Variants in GALNT13 observed in about 807,000 individuals in gnomAD.
The protein encoded by GALNT13 is UDP-GalNAc:polypeptide N-acetylgalactosaminyltransferase 13.
Under a neutral mutation model 64.2 loss-of-function variants are expected in GALNT13, and 28 were observed. The observed-to-expected ratio is 0.44, with a 90% CI of 0.32 to 0.60. The LOEUF is 0.60. GALNT13 is among the 20% of genes least tolerant of loss of function. GALNT13 has a pLI of 0.05. For synonymous variants in GALNT13, 214 were observed against 224.6 expected (o/e 0.95, Z 0.42); for missense variants, 577 against 669.8 (o/e 0.86, Z 1.53).
chr2:154,268,101 A>C (rs1691121480), intron 8 of GALNT13, among the ~76,000 whole-genome samples: 1 of 152,218 alleles, frequency 6.6e-6, no homozygotes. Context: ...ACTCAGTGGA[A>C]AGGAAAATGT....
chr2:153,127,076 C>T, the GALNT13 span, among the ~76,000 whole-genome samples: 6 of 152,190 alleles, frequency 3.9e-5, no homozygotes, highest in South Asian at 8.3e-4. Flanking sequence ...GAAGAAAATA[C>T]AAGCTACAAA....
At chr2:153,359,285 T>A in the GALNT13 span, among the ~76,000 whole-genome samples, 1 of 152,234 alleles carries the variant, frequency 6.6e-6, no homozygotes, top group Non-Finnish European at 1.5e-5. Flanking sequence ...AGCGTTATTT[T>A]ATTTTACCAA....
the GALNT13 span, among the ~76,000 whole-genome samples, chr2:153,401,200 G>C: frequency 2.1e-4 from 32 of 152,204 alleles, no homozygotes; most frequent in African/African-American, 7.7e-4. Context: ...AGTCATTCAG[G>C]AGCAGGTTGT....
chr2:154,214,832 C>A lies in GALNT13; in HGVS notation c.312-27198C>A, dbSNP rs1471669203. On this transcript the variant is annotated intron_variant, in intron 4 of 12. Coordinates refer to ENST00000392825, the MANE Select transcript of GALNT13 (RefSeq NM_052917.4). ...ATAGCAGTGTGAGAACAGACTAATA[C>A]ACCTATTATCAGTGTGTGTAATTGG... Among the ~76,000 whole-genome samples, 6 of 152,136 alleles carry A rather than the reference C, an allele frequency of 3.9e-5. No homozygotes were observed. In the East Asian group the frequency reaches 1.2e-3, roughly 29 times the overall value.
At chr2:154,096,747 G>C (rs1049576540) in intron 3 of GALNT13, among the ~76,000 whole-genome samples, 12 of 151,982 alleles carry the variant, frequency 7.9e-5, no homozygotes, top group Non-Finnish European at 1.5e-4. Context: ...TGACTATGAA[G>C]AGCACCAATA....
the GALNT13 span, among the ~76,000 whole-genome samples, chr2:153,514,839 T>C: frequency 6.6e-6 from 1 of 152,312 alleles, no homozygotes. Context: ...CTGAGAATGC[T>C]GCTTTAGTGG....
At chr2:153,971,174 T>C (rs1341086443) in intron 3 of GALNT13, among the ~76,000 whole-genome samples, 1 of 152,178 alleles carries the variant, frequency 6.6e-6, no homozygotes, top group Non-Finnish European at 1.5e-5. Flanking sequence ...GTCTTAATTT[T>C]CTACCTCACC....
the GALNT13 span, among the ~76,000 whole-genome samples, chr2:153,542,746 T>G: frequency 6.6e-6 from 1 of 152,186 alleles, no homozygotes; most frequent in Non-Finnish European, 1.5e-5. Flanking sequence ...TAGCTAGGCC[T>G]AGGAGAAGTT....
chr2:154,351,818 A>G (rs1408242640), intron 9 of GALNT13, among the ~76,000 whole-genome samples: 2 of 150,962 alleles, frequency 1.3e-5, no homozygotes, highest in Admixed American at 6.6e-5. Flanking sequence ...GGAATAGTGT[A>G]GGTTCTAAAC....
At chr2:154,291,798 T>TGAGGCC (rs1403073330) in intron 8 of GALNT13, among the ~76,000 whole-genome samples, 1 of 152,364 alleles carries the variant, frequency 6.6e-6, no homozygotes, top group Middle Eastern at 3.4e-3. Context: ...GAGCGGACGC[T>TGAGGCC]GAGGCCGAGG....
chr2:153,104,085 T>A, the GALNT13 span, among the ~76,000 whole-genome samples: 1 of 152,206 alleles, frequency 6.6e-6, no homozygotes, highest in Non-Finnish European at 1.5e-5. Flanking sequence ...ACAACTTTAC[T>A]ATTAGTACAT....
At chr2:153,543,230 A>G in the GALNT13 span, among the ~76,000 whole-genome samples, 2 of 152,184 alleles carry the variant, frequency 1.3e-5, no homozygotes, top group Non-Finnish European at 2.9e-5. Context: ...AATGGAGACC[A>G]CAAAGGAGAC....
At chr2:154,295,227 A>C (rs78791850) in intron 8 of GALNT13, among the ~76,000 whole-genome samples, 1 of 152,028 alleles carries the variant, frequency 6.6e-6, no homozygotes, top group African/African-American at 2.4e-5. Flanking sequence ...ATTTAAAATG[A>C]CTTTTTTCCC....
At chr2:153,420,374 CAT>C in the GALNT13 span, among the ~76,000 whole-genome samples, 14 of 152,152 alleles carry the variant, frequency 9.2e-5, no homozygotes, top group East Asian at 2.3e-3. Context: ...TAAGAAATAA[CAT>C]ATTTTGGCAT....
At chr2:154,166,672 G>A in intron 4 of GALNT13, among the ~76,000 whole-genome samples, 1 of 152,142 alleles carries the variant, frequency 6.6e-6, no homozygotes, top group Non-Finnish European at 1.5e-5. Flanking sequence ...AAAAACACAT[G>A]CACACATATG....
At chr2:153,240,269 T>C in the GALNT13 span, among the ~76,000 whole-genome samples, 1 of 152,200 alleles carries the variant, frequency 6.6e-6, no homozygotes, top group Admixed American at 6.5e-5. Context: ...AAATCAACTT[T>C]TTAGACTGAT....
the GALNT13 span, among the ~76,000 whole-genome samples, chr2:153,634,677 A>G: frequency 6.7e-6 from 1 of 149,926 alleles, no homozygotes; most frequent in African/African-American, 2.5e-5. Flanking sequence ...CAGCCTCCCG[A>G]GTAGCTGGGA....
At chr2:154,113,380 G>A (rs535005949) in intron 3 of GALNT13, among the ~76,000 whole-genome samples, 1 of 152,346 alleles carries the variant, frequency 6.6e-6, no homozygotes, top group East Asian at 1.9e-4. Flanking sequence ...CTCCAAACTG[G>A]CAGCCTTTCG....
At chr2:153,462,084 A>G in the GALNT13 span, among the ~76,000 whole-genome samples, 1 of 152,004 alleles carries the variant, frequency 6.6e-6, no homozygotes, top group East Asian at 1.9e-4. Context: ...GGGAGCTTTT[A>G]TGGAATAGAT....
Sources: allele counts gnomAD v4.1 joint callset (sites outside exome capture counted in the v4.1 genomes callset), GRCh38; gene constraint gnomAD v4.1.1; transcripts MANE v1.5; gene names NCBI Gene and HGNC (gene_info 2026-07-23, HGNC 2026-07-21).